ACVR1C: variants seen among roughly 807,000 people sequenced by gnomAD.
ACVR1C encodes the protein activin A receptor type 1C.
A neutral mutation model predicts 57.9 loss-of-function variants in ACVR1C; 23 were observed. The ratio of observed to expected loss-of-function variants is 0.40; its 90% confidence interval spans 0.29 to 0.56. The LOEUF (loss-of-function observed/expected upper bound fraction) is 0.56, where lower values mean the gene tolerates loss of function less well. ACVR1C is among the 20% of genes least tolerant of loss of function. The pLI is 0.50. For missense variants in ACVR1C, 480 were observed against 607.9 expected (o/e 0.79, Z 2.21); for synonymous variants, 214 against 215.3 (o/e 0.99, Z 0.05).
Position 157,550,320 on chromosome 2 carries a change from A to C in ACVR1C, c.617T>G (p.Phe206Cys). The stretch of plus-strand genomic sequence containing the variant: ...CCATCTTCCATGCCACACCTCACCA[A>C]ATCTACCTTTTCCTACTATTTCCTG... ...VLQEIVGKGR[F>C]GEVWHGRWCG... The change falls in exon 4 of 9, where the codon TTT (phenylalanine) becomes TGT (cysteine). Residue 206 changes from phenylalanine (F) to cysteine (C), a missense_variant. Phe to Cys is a radical substitution (Grantham distance 205). Transcript: ENST00000243349. The C allele has an allele frequency of 6.2e-7, 1 of 1,614,110 alleles. No homozygotes were observed. The highest frequency in any genetic ancestry group is 8.5e-7 in the Non-Finnish European group (1 of 1,180,024).
At chr2:157,554,574 T>C (rs1316210102) in intron 3 of ACVR1C, among the ~76,000 whole-genome samples, 1 of 152,174 alleles carries the variant, frequency 6.6e-6, no homozygotes, top group Non-Finnish European at 1.5e-5. Context: ...GGTGTAAACA[T>C]TTAGTCTTCG....
At chr2:157,608,764 T>G (rs1044025085) in intron 1 of ACVR1C, among the ~76,000 whole-genome samples, 1 of 151,942 alleles carries the variant, frequency 6.6e-6, no homozygotes, top group Non-Finnish European at 1.5e-5. Context: ...TGTTACTTTA[T>G]AGTTGTTCAT....
chr2:157,617,466 C>G (rs1287759230), intron 1 of ACVR1C, among the ~76,000 whole-genome samples: 3 of 151,996 alleles, frequency 2.0e-5, no homozygotes, highest in African/African-American at 7.2e-5. Context: ...GAATAAAGAA[C>G]AGCAGATGCC....
chr2:157,550,630 A>G (rs1217125671), intron 3 of ACVR1C, among the ~76,000 whole-genome samples: 1 of 152,170 alleles, frequency 6.6e-6, no homozygotes, highest in Non-Finnish European at 1.5e-5. Context: ...AAATTTTTTG[A>G]ACATAGCCTG....
intron 2 of ACVR1C, among the ~76,000 whole-genome samples, chr2:157,578,682 C>A (rs998860511): frequency 6.6e-6 from 1 of 152,150 alleles, no homozygotes. Context: ...CCTTACCCTC[C>A]TTCTTTAAAA....
At chr2:157,590,272 A>G (rs1689030880) in intron 1 of ACVR1C, among the ~76,000 whole-genome samples, 1 of 151,948 alleles carries the variant, frequency 6.6e-6, no homozygotes, top group Non-Finnish European at 1.5e-5. Context: ...TGTTAGTAAA[A>G]CTAAAGTCTT....
intron 4 of ACVR1C, among the ~76,000 whole-genome samples, chr2:157,544,902 C>T (rs1043068124): frequency 3.3e-5 from 5 of 152,150 alleles, no homozygotes; most frequent in African/African-American, 1.2e-4. Flanking sequence ...TCAATACCTG[C>T]TGGCAATAGT....
intron 3 of ACVR1C, among the ~76,000 whole-genome samples, 168 bp downstream of exon 3, chr2:157,555,925 T>C (rs1688087927): frequency 6.6e-6 from 1 of 152,222 alleles, no homozygotes; most frequent in South Asian, 2.1e-4. Context: ...TAGGCCACGA[T>C]GGTTTTTCTC....
At chr2:157,612,364 A>T (rs1430474377) in intron 1 of ACVR1C, among the ~76,000 whole-genome samples, 1 of 151,782 alleles carries the variant, frequency 6.6e-6, no homozygotes, top group Non-Finnish European at 1.5e-5. Flanking sequence ...AGCCTCTGGC[A>T]GCAGCAAGGG....
intron 1 of ACVR1C, among the ~76,000 whole-genome samples, chr2:157,601,973 A>G (rs535918619): frequency 3.3e-5 from 5 of 152,332 alleles, no homozygotes; most frequent in African/African-American, 1.2e-4. Context: ...GGCTATTCAG[A>G]GCTCAACATT....
At chr2:157,558,061 A>G (rs1017605912) in intron 2 of ACVR1C, among the ~76,000 whole-genome samples, 2 of 152,172 alleles carry the variant, frequency 1.3e-5, no homozygotes, top group Non-Finnish European at 2.9e-5. Context: ...TTGATAGACT[A>G]TGGGAGCAGA....
At chr2:157,554,186 A>T (rs534840233) in intron 3 of ACVR1C, among the ~76,000 whole-genome samples, 18 of 147,546 alleles carry the variant, frequency 1.2e-4, no homozygotes, top group African/African-American at 3.6e-4. Flanking sequence ...CTGGAAAAAA[A>T]AAAAATAAAG....
intron 1 of ACVR1C, among the ~76,000 whole-genome samples, chr2:157,598,200 G>GAAAAAAAAAAAAAAAA (rs575735322): frequency 1.3e-5 from 1 of 76,016 alleles, no homozygotes; most frequent in African/African-American, 5.0e-5. Flanking sequence ...GAAGAACATT[G>GAAAAAAAAAAAAAAAA]AAAAAAAAAA....
At position 157,577,045 on chromosome 2, in the gene ACVR1C, C is replaced by A. The variant is rs1209237505; in HGVS notation, c.304+10142G>T. On this transcript the variant is annotated intron_variant, in intron 2 of 8. Coordinates refer to ENST00000243349, the MANE Select transcript of ACVR1C (RefSeq NM_145259.3). ...AATTTTTTGTATTTTTTAGTAGAGA[C>A]GGGGTTTCACCTTGTTAGCCAGGAT... Among the ~76,000 whole-genome samples, 2 of 61,548 alleles carry A rather than the reference C, an allele frequency of 3.2e-5. 1 individual carries two copies. The highest frequency in any genetic ancestry group is 6.6e-4 in the East Asian group (2 of 3,022). 40.4% of individuals were successfully genotyped at this position (61,548 alleles called of 152,430 possible).
chr2:157,542,626 C>T, intron 6 of ACVR1C, 80 bp downstream of exon 6: 1 of 1,459,088 alleles, frequency 6.9e-7, no homozygotes, highest in Non-Finnish European at 9.2e-7. Flanking sequence ...TGGACCTGAG[C>T]CTCCTCCACA....
At chr2:157,549,326 C>T (rs1687852778) in intron 4 of ACVR1C, among the ~76,000 whole-genome samples, 1 of 152,146 alleles carries the variant, frequency 6.6e-6, no homozygotes, top group South Asian at 2.1e-4. Context: ...GATCGTGCCA[C>T]TGCACTCCAG....
At chr2:157,557,832 G>T (rs1013771026) in intron 2 of ACVR1C, among the ~76,000 whole-genome samples, 6 of 152,018 alleles carry the variant, frequency 3.9e-5, no homozygotes, top group Non-Finnish European at 8.8e-5. Flanking sequence ...TTGCATTTAA[G>T]AAATCTTTTT....
intron 2 of ACVR1C, among the ~76,000 whole-genome samples, chr2:157,576,361 A>C (rs1656267341): frequency 6.6e-6 from 1 of 151,756 alleles, no homozygotes; most frequent in African/African-American, 2.4e-5. Flanking sequence ...ATGAGCCACC[A>C]TGCCCCGCTA....
At chr2:157,587,510 A>G in intron 1 of ACVR1C, 93 bp from the exon 2 acceptor site, 1 of 986,114 alleles carries the variant, frequency 1.0e-6, no homozygotes, top group East Asian at 2.4e-5. Flanking sequence ...ATCTTAATGA[A>G]AATGGAAAAA....
Sources: gnomAD v4.1 joint callset for allele counts (sites outside exome capture counted in the v4.1 genomes callset) on GRCh38, gnomAD v4.1.1 for gene constraint, MANE v1.5 for transcripts, NCBI Gene and HGNC (gene_info 2026-07-23, HGNC 2026-07-21) for gene names.